Variants in SGCD observed in about 807,000 individuals in gnomAD.
SGCD encodes delta-sarcoglycan.
SGCD carries 18 observed loss-of-function variants against 36.6 expected under a neutral mutation model. The ratio of observed to expected loss-of-function variants is 0.49; its 90% CI spans 0.34 to 0.73. The LOEUF is 0.73. SGCD is among the 30% of genes least tolerant of loss of function. The pLI, the probability that SGCD is intolerant of heterozygous loss-of-function variation, is 0.01. For missense variants in SGCD, 387 were observed against 346.7 expected (o/e 1.12, Z -0.92); for synonymous variants, 133 against 130.6 (o/e 1.02, Z -0.12).
chr5:156,657,489 G>A (rs1167507594), intron 7 of SGCD, among the ~76,000 whole-genome samples: 1 of 150,228 alleles, frequency 6.7e-6, no homozygotes, highest in Admixed American at 6.7e-5. Flanking sequence ...GGCCAGGTGT[G>A]GGGTGGCTCA....
intron 1 of SGCD, among the ~76,000 whole-genome samples, chr5:156,082,884 T>C (rs1760995079): frequency 6.6e-6 from 1 of 152,348 alleles, no homozygotes; most frequent in East Asian, 1.9e-4. Flanking sequence ...TGCCAGTATG[T>C]ATATGTGATC....
chr5:155,859,462 G>A, the SGCD span, among the ~76,000 whole-genome samples: 3 of 152,162 alleles, frequency 2.0e-5, no homozygotes, highest in Non-Finnish European at 4.4e-5. Context: ...ATAGAATCCT[G>A]TAACTATGAC....
chr5:156,304,383 C>A (rs980117869), intron 3 of SGCD, among the ~76,000 whole-genome samples: 2 of 152,142 alleles, frequency 1.3e-5, no homozygotes, highest in South Asian at 2.1e-4. Flanking sequence ...CTCATGAGAT[C>A]TGATGGCTCT....
intron 4 of SGCD, among the ~76,000 whole-genome samples, chr5:156,553,445 C>A (rs1272881999): frequency 6.6e-6 from 1 of 152,050 alleles, no homozygotes; most frequent in Admixed American, 6.6e-5. Flanking sequence ...CCTGTTAATT[C>A]TTTTTTTTAA....
At chr5:156,009,120 G>A (rs759672119) in intron 1 of SGCD, among the ~76,000 whole-genome samples, 1 of 152,154 alleles carries the variant, frequency 6.6e-6, no homozygotes, top group East Asian at 1.9e-4. Context: ...ACTTCAGCAG[G>A]TGGTGACAGC....
the SGCD span, among the ~76,000 whole-genome samples, chr5:155,794,600 C>T: frequency 1.3e-5 from 2 of 151,406 alleles, no homozygotes; most frequent in Admixed American, 6.6e-5. Context: ...AATAAAAAAC[C>T]AGTAGACAGC....
At chr5:156,699,998 G>A (rs201397468) in intron 7 of SGCD, among the ~76,000 whole-genome samples, 3 of 99,410 alleles carry the variant, frequency 3.0e-5, no homozygotes, top group African/African-American at 8.5e-5. Context: ...AGAGACAAAA[G>A]AAGGCATGAA....
At chr5:156,327,005 C>T (rs1767840931), upstream of SGCD, 1 of 152,414 alleles carries the variant, frequency 6.6e-6, no homozygotes, top group African/African-American at 2.4e-5. Flanking sequence ...AGTACGGTTT[C>T]AAAGCAGTCA....
intron 1 of SGCD, among the ~76,000 whole-genome samples, chr5:155,993,105 C>A (rs894814381): frequency 5.3e-5 from 8 of 152,104 alleles, no homozygotes; most frequent in African/African-American, 1.9e-4. Context: ...GTTTACCATG[C>A]CTCACCTATT....
intron 3 of SGCD, among the ~76,000 whole-genome samples, chr5:156,257,789 G>A (rs907091761): frequency 7.9e-5 from 12 of 152,082 alleles, no homozygotes; most frequent in Non-Finnish European, 1.6e-4. Context: ...CCTTGAACCC[G>A]GGAGGTGGAG....
chr5:155,749,161 T>G, the SGCD span, among the ~76,000 whole-genome samples: 1 of 152,216 alleles, frequency 6.6e-6, no homozygotes, highest in Non-Finnish European at 1.5e-5. Context: ...TATTTAATGT[T>G]AGTCCTTGTT....
chr5:156,015,404 T>A (rs1758948788), intron 1 of SGCD, among the ~76,000 whole-genome samples: 1 of 152,110 alleles, frequency 6.6e-6, no homozygotes, highest in Non-Finnish European at 1.5e-5. Context: ...GAGCATTTAT[T>A]CCCTTGCTTT....
chr5:156,652,880 T>A (rs1211266396), intron 7 of SGCD, among the ~76,000 whole-genome samples: 1 of 152,174 alleles, frequency 6.6e-6, no homozygotes, highest in Non-Finnish European at 1.5e-5. Flanking sequence ...TCATTCTGTT[T>A]ATACGATGGA....
chr5:156,046,146 T>A (rs1274605756), intron 1 of SGCD, among the ~76,000 whole-genome samples: 1 of 152,086 alleles, frequency 6.6e-6, no homozygotes, highest in Non-Finnish European at 1.5e-5. Context: ...CCAGCTATAG[T>A]CATTTTGGCC....
intron 3 of SGCD, among the ~76,000 whole-genome samples, chr5:156,406,669 C>G (rs1339383721): frequency 1.3e-5 from 2 of 151,450 alleles, no homozygotes; most frequent in South Asian, 2.1e-4. Flanking sequence ...TCAGAATGCT[C>G]AAAACAGCCC....
chr5:155,968,380 C>T (rs907016831), intron 1 of SGCD, among the ~76,000 whole-genome samples: 20 of 152,198 alleles, frequency 1.3e-4, no homozygotes, highest in African/African-American at 3.9e-4. Context: ...TATATAAATA[C>T]AGTCATCTCC....
At chr5:156,040,028 G>A (rs1265640065) in intron 1 of SGCD, among the ~76,000 whole-genome samples, 48 of 152,136 alleles carry the variant, frequency 3.2e-4, no homozygotes, top group Admixed American at 3.1e-3. Flanking sequence ...AGCTAAAAGT[G>A]GAGCTCCAAG....
chr5:156,375,759 A>G (rs929298973), intron 3 of SGCD, among the ~76,000 whole-genome samples: 1 of 152,170 alleles, frequency 6.6e-6, no homozygotes, highest in Admixed American at 6.5e-5. Flanking sequence ...AGGAGACTGT[A>G]TTATTTTTTA....
chr5:156,446,801 G>T (rs1338483474), intron 3 of SGCD, among the ~76,000 whole-genome samples: 1 of 152,128 alleles, frequency 6.6e-6, no homozygotes, highest in Non-Finnish European at 1.5e-5. Context: ...GTGAATCCCA[G>T]ACTCCTCACA....
Sources: allele counts gnomAD v4.1 joint callset (sites outside exome capture counted in the v4.1 genomes callset), GRCh38; gene constraint gnomAD v4.1.1; transcripts MANE v1.5; gene names NCBI Gene and HGNC (gene_info 2026-07-23, HGNC 2026-07-21).